Variants in POLE2 observed in about 807,000 individuals in gnomAD.
The protein encoded by POLE2 is DNA polymerase epsilon subunit 2.
In POLE2, 56 loss-of-function variants were observed where a neutral mutation model predicts 79.4. The ratio of observed to expected loss-of-function variants is 0.71; its 90% CI spans 0.57 to 0.88. POLE2 has a LOEUF of 0.88. Among genes scored for constraint, POLE2 ranks in the 40% least tolerant of loss-of-function variants. The pLI, the probability that POLE2 is intolerant of heterozygous loss-of-function variation, is 0.00. For synonymous variants in POLE2, 212 were observed against 214.0 expected, an observed-to-expected ratio of 0.99 and a Z score of 0.08; for missense variants, 598 against 638.9, an observed-to-expected ratio of 0.94 and a Z score of 0.69.
At chr14:49,679,497 T>A (rs1219842825) in intron 3 of POLE2, 1 of 402,154 alleles carries the variant, frequency 2.5e-6, no homozygotes, top group Admixed American at 4.2e-5. Flanking sequence ...AAGTTAGTAA[T>A]GAATGGTACA....
At chr14:49,665,315 C>T (rs1016145641) in intron 7 of POLE2, 152 bp from the exon 8 acceptor site, 6 of 584,878 alleles carry the variant, frequency 1.0e-5, no homozygotes, top group Non-Finnish European at 1.8e-5. Flanking sequence ...CTTCCATTTA[C>T]TAGTCTGATA....
intron 6 of POLE2, among the ~76,000 whole-genome samples, chr14:49,669,303 G>GT (rs1885706827): frequency 6.6e-6 from 1 of 152,166 alleles, no homozygotes; most frequent in Non-Finnish European, 1.5e-5. Flanking sequence ...GGCTAGCATC[G>GT]TATCAGGGCC....
At chr14:49,648,050 T>C (rs776354162) in intron 17 of POLE2, among the ~76,000 whole-genome samples, 1 of 152,234 alleles carries the variant, frequency 6.6e-6, no homozygotes, top group Admixed American at 6.5e-5. Flanking sequence ...TCAAGAAGTC[T>C]TTCCTGCCCC....
intron 10 of POLE2, among the ~76,000 whole-genome samples, chr14:49,660,936 T>C (rs1285268102): frequency 2.6e-5 from 4 of 152,178 alleles, no homozygotes; most frequent in Admixed American, 6.5e-5. Context: ...CCCTTCTTTT[T>C]TGGGGGGTAG....
intron 2 of POLE2, 34 bp from the exon 3 acceptor site, chr14:49,679,834 AC>A (rs778941214): frequency 7.8e-6 from 10 of 1,284,308 alleles, no homozygotes; most frequent in Admixed American, 7.5e-5. Flanking sequence ...AAATTTAAAA[AC>A]AAAAAAAAAA....
chr14:49,671,697 G>T (rs982764946), intron 5 of POLE2, among the ~76,000 whole-genome samples: 1 of 150,614 alleles, frequency 6.6e-6, no homozygotes, highest in East Asian at 2.0e-4. Flanking sequence ...GCTCATGCCT[G>T]TAATCCCAGC....
At position 49,652,694 on chromosome 14, in the gene POLE2, A is replaced by G. The variant is rs1190307818; in HGVS notation, c.1211+1296T>C. On this transcript the variant is annotated intron_variant, in intron 15 of 18. Coordinates refer to ENST00000216367, the MANE Select transcript of POLE2 (RefSeq NM_002692.4). Reference sequence around the variant, plus strand: ...TCTGTCACTGTCTCCCATCATCCCCAGATGGGACCGTCTGGTTTCAGGAAA... The same window carrying G: ...TCTGTCACTGTCTCCCATCATCCCCGGATGGGACCGTCTGGTTTCAGGAAA... 3.3e-5 allele frequency among the ~76,000 whole-genome samples: 5 copies of G among 152,156 alleles called. No homozygotes were observed. The East Asian group carries it at 9.6e-4, about 29-fold the overall frequency.
chr14:49,653,921 A>G, intron 15 of POLE2, 69 bp downstream of exon 15: 1 of 897,032 alleles, frequency 1.1e-6, no homozygotes. Flanking sequence ...GATTACAGAC[A>G]TGAGCCACCA....
intron 15 of POLE2, chr14:49,653,780 T>C (rs1884451748): frequency 1.8e-5 from 5 of 272,184 alleles, no homozygotes; most frequent in South Asian, 1.3e-4. Context: ...AGCCTCTTCA[T>C]AGAACCACAG....
chr14:49,657,108 G>A (rs1299259047), intron 10 of POLE2, among the ~76,000 whole-genome samples: 7 of 123,358 alleles, frequency 5.7e-5, no homozygotes, highest in Non-Finnish European at 1.2e-4. Context: ...GCAAGATTTT[G>A]CCTCAAAAAA....
At chr14:49,647,397 G>C in intron 17 of POLE2, 37 bp from the exon 18 acceptor site, 1 of 986,696 alleles carries the variant, frequency 1.0e-6, no homozygotes, top group South Asian at 2.1e-5. Flanking sequence ...TGAATGCTCA[G>C]ACTTTTTTTT....
chr14:49,680,911 G>A (rs143135532), intron 2 of POLE2, among the ~76,000 whole-genome samples: 13 of 152,224 alleles, frequency 8.5e-5, no homozygotes, highest in Admixed American at 3.3e-4. Flanking sequence ...GATTACAGGC[G>A]TGAGACAAGT....
intron 2 of POLE2, among the ~76,000 whole-genome samples, chr14:49,682,434 C>G (rs971494964): frequency 1.3e-5 from 2 of 151,488 alleles, no homozygotes; most frequent in East Asian, 3.9e-4. Context: ...GTTGGCGGTT[C>G]GAGACCAGCC....
At chr14:49,647,461 A>ATT (rs1261755767) in intron 17 of POLE2, 101 bp from the exon 18 acceptor site, 35 of 395,778 alleles carry the variant, frequency 8.8e-5, no homozygotes, top group African/African-American at 7.3e-4. Flanking sequence ...TATTTTATTT[A>ATT]TTTATTTTTT....
At chr14:49,648,153 C>A (rs1471419043) in intron 17 of POLE2, among the ~76,000 whole-genome samples, 3 of 152,214 alleles carry the variant, frequency 2.0e-5, no homozygotes, top group African/African-American at 7.2e-5. Context: ...ATCACACATA[C>A]AATTGTTTGT....
At chr14:49,680,598 T>C (rs1886631810) in intron 2 of POLE2, among the ~76,000 whole-genome samples, 1 of 152,188 alleles carries the variant, frequency 6.6e-6, no homozygotes, top group African/African-American at 2.4e-5. Context: ...AATACAACTT[T>C]AAGAGGTTGA....
chr14:49,664,349 CAAAAAAAAAAGAAAA>C (rs1318942283), intron 9 of POLE2, among the ~76,000 whole-genome samples: 2 of 67,064 alleles, frequency 3.0e-5, no homozygotes, highest in African/African-American at 1.2e-4. Context: ...ACTCTGTCTC[CAAAAAAAAAAGAAAA>C]AAAAAAAAAA....
Position 49,650,268 on chromosome 14 carries a change from G to T in POLE2, c.1494C>A (p.Asn498Lys). 2 of 1,572,650 alleles carry T rather than the reference G, an allele frequency of 1.3e-6. No individual in the cohort carries two copies. Among genetic ancestry groups the T allele is most frequent in the Non-Finnish European group, 1.7e-6 (2 of 1,152,174 alleles). Residue 498 changes from asparagine to lysine, a missense_variant, in exon 17 of 19, where the codon AAC becomes AAA. Physicochemically the swap from Asn to Lys is moderately conservative, Grantham distance 94. Coordinates refer to ENST00000216367, the MANE Select transcript of POLE2 (RefSeq NM_002692.4). The part of the protein sequence containing the change: ...TTTNTECLCI[N>K]PGSFPRSGFS... ...ATAAGATTAACTACATTCTTACAGG[G>T]TTTATGCAGAGGCATTCGGTATTTG...
rs756026684 is a variant in POLE2 at position 49,683,629 on chromosome 14, G to A, written c.133C>T (p.Leu45=). Residue 45 remains leucine, a synonymous_variant, in exon 2 of 19, where the codon CTG becomes TTG. Coordinates refer to ENST00000216367, the MANE Select transcript of POLE2 (RefSeq NM_002692.4). ...TCAACTGCATTAATTATCTTTTCCA[G>A]TTTATCTTCAAGCTCTAATTCACTG... ...SISELELEDK[L]EKIINAVEKQ... 8.2e-6 allele frequency: 13 copies of A among 1,590,536 alleles called. No homozygotes were observed. Among genetic ancestry groups the A allele is most frequent in the Non-Finnish European group, 1.1e-5 (13 of 1,160,332 alleles).
Sources: allele counts gnomAD v4.1 joint callset (sites outside exome capture counted in the v4.1 genomes callset), GRCh38; gene constraint gnomAD v4.1.1; transcripts MANE v1.5; gene names NCBI Gene and HGNC (gene_info 2026-07-23, HGNC 2026-07-21).